The following PDE12 variants were observed in gnomAD, a reference collection of about 807,000 sequenced individuals.
PDE12 encodes phosphodiesterase 12, also known as 2',5'-phosphodiesterase 12.
Under a neutral mutation model 45.4 loss-of-function variants are expected in PDE12, and 26 were observed. The ratio of observed to expected loss-of-function variants is 0.57; its 90% CI spans 0.42 to 0.79. The LOEUF is 0.79. Among genes scored for constraint, PDE12 ranks in the 30% least tolerant of loss-of-function variants. PDE12 has a pLI of 0.00. For synonymous variants in PDE12, 283 were observed against 323.9 expected (o/e 0.87, Z 1.36); for missense variants, 668 against 790.0 (o/e 0.85, Z 1.85).
At chr3:57,619,774 C>T in the PDE12 span, among the ~76,000 whole-genome samples, 4 of 151,698 alleles carry the variant, frequency 2.6e-5, no homozygotes, top group Non-Finnish European at 5.9e-5. Flanking sequence ...TGCTTAAACC[C>T]GGGAGGCAGA....
the PDE12 span, among the ~76,000 whole-genome samples, chr3:57,630,070 G>C: frequency 6.6e-6 from 1 of 152,198 alleles, no homozygotes; most frequent in African/African-American, 2.4e-5. Flanking sequence ...GAGCTGAGAA[G>C]AGATGTGCAC....
the PDE12 span, chr3:57,628,212 TATC>T: frequency 6.2e-7 from 1 of 1,610,912 alleles, no homozygotes; most frequent in Non-Finnish European, 8.5e-7. Context: ...TCTTGGCAAA[TATC>T]ATGTCATGCC....
At chr3:57,597,260 G>A in the PDE12 span, 2 of 984,994 alleles carry the variant, frequency 2.0e-6, no homozygotes, top group East Asian at 2.6e-5. Context: ...GAGGAAGAAA[G>A]AGGGAGGCAG....
chr3:57,568,740 A>T (rs989600988), downstream of PDE12, among the ~76,000 whole-genome samples: 1 of 151,904 alleles, frequency 6.6e-6, no homozygotes, highest in Non-Finnish European at 1.5e-5. Flanking sequence ...TGGAGGGTAT[A>T]TAAGGTAAGT....
At chr3:57,646,351 T>C in the PDE12 span, 9 of 1,613,654 alleles carry the variant, frequency 5.6e-6, no homozygotes, top group Non-Finnish European at 7.6e-6. Flanking sequence ...ATGATTCCGA[T>C]GGTGATGGCG....
chr3:57,583,332 G>A, the PDE12 span, among the ~76,000 whole-genome samples: 1 of 152,114 alleles, frequency 6.6e-6, no homozygotes, highest in African/African-American at 2.4e-5. Context: ...GATGATCCAG[G>A]TCTTGGGATT....
In PDE12 at chr3:57,563,158, A is replaced by T. The variant is rs186463288; in HGVS notation, c.*3154A>T. Reference sequence around the variant, plus strand: ...TAGTTTATCACAAGACCCATGTGACAACTCAGAAAATATTCTCAGCATAAT... The same window carrying T: ...TAGTTTATCACAAGACCCATGTGACTACTCAGAAAATATTCTCAGCATAAT... On this transcript the variant is annotated 3_prime_UTR_variant, in exon 3 of 3. Transcript: ENST00000311180. 6.6e-6 allele frequency: 1 copy of T among 152,278 alleles called. No individual in the cohort carries two copies. Among genetic ancestry groups the T allele is most frequent in the African/African-American group, 2.4e-5 (1 of 41,568 alleles). The allele number at this position is 152,278 out of a possible 1,614,324, so 9.4% of individuals were successfully genotyped here. A position where few individuals can be genotyped will look rare whatever the true frequency, so the allele number is the denominator to read the frequency against.
Position 57,557,981 on chromosome 3 carries a change from C to G in PDE12, c.1308+294C>G, listed in dbSNP as rs562339469. Among the ~76,000 whole-genome samples, 9 of 152,290 alleles carry G rather than the reference C, an allele frequency of 5.9e-5. No individual in the cohort carries two copies. In the East Asian group the frequency reaches 1.7e-3, roughly 29 times the overall value. On this transcript the variant is annotated intron_variant, in intron 1 of 2. Coordinates refer to ENST00000311180, the MANE Select transcript of PDE12 (RefSeq NM_177966.7). ...ACGCTAAATGCAAGAACAATAGTAG[C>G]TAATGTTTTTTACTACTTGCCAAGC...
At chr3:57,609,620 A>G in the PDE12 span, among the ~76,000 whole-genome samples, 1 of 152,184 alleles carries the variant, frequency 6.6e-6, no homozygotes, top group East Asian at 1.9e-4. Flanking sequence ...ATGAAAATAA[A>G]CTAGAAAATC....
the PDE12 span, chr3:57,630,547 G>A: frequency 9.5e-6 from 15 of 1,575,152 alleles, no homozygotes; most frequent in African/African-American, 1.9e-4. Context: ...TTTTAAAAAA[G>A]TAAAGTTTGA....
the PDE12 span, among the ~76,000 whole-genome samples, chr3:57,582,625 C>T: frequency 6.6e-6 from 1 of 152,106 alleles, no homozygotes; most frequent in African/African-American, 2.4e-5. Context: ...AGCCACTCAC[C>T]TAGGGTATTC....
the PDE12 span, among the ~76,000 whole-genome samples, chr3:57,583,411 T>C: frequency 6.6e-6 from 1 of 152,176 alleles, no homozygotes; most frequent in South Asian, 2.1e-4. Context: ...ACAGGATCAC[T>C]AAAGTCTCTT....
At position 57,561,821 on chromosome 3, in the gene PDE12, T is replaced by G. The variant is rs1011031828; in HGVS notation, c.*1817T>G. On this transcript the variant is annotated 3_prime_UTR_variant, in exon 3 of 3. Coordinates refer to ENST00000311180, the MANE Select transcript of PDE12 (RefSeq NM_177966.7). ...AATGTATTGTTAACACTTAGTAAGT[T>G]TGAAAATGAAGGGGTTTTATCTGCA... 3 of 985,022 alleles carry G rather than the reference T, an allele frequency of 3.0e-6. No individual in the cohort carries two copies. Among genetic ancestry groups the G allele is most frequent in the Non-Finnish European group, 3.6e-6 (3 of 829,714 alleles). 61.0% of individuals were successfully genotyped at this position (985,022 alleles called of 1,614,324 possible).
Position 57,561,627 on chromosome 3 carries a change from C to T in PDE12, c.*1623C>T. ...TCAGGATAACTATGTTATCTCATTT[C>T]TGCATTTAATTAATAGCTCGAGTAT... On this transcript the variant is annotated 3_prime_UTR_variant, in exon 3 of 3. Coordinates refer to ENST00000311180, the MANE Select transcript of PDE12 (RefSeq NM_177966.7). 1.0e-6 allele frequency: 1 copy of T among 985,174 alleles called. No individual in the cohort carries two copies. Among genetic ancestry groups the T allele is most frequent in the Non-Finnish European group, 1.2e-6 (1 of 829,788 alleles). 61.0% of individuals were successfully genotyped at this position (985,174 alleles called of 1,614,324 possible).
the PDE12 span, among the ~76,000 whole-genome samples, chr3:57,643,864 T>C: frequency 3.4e-4 from 51 of 148,034 alleles, no homozygotes; most frequent in African/African-American, 1.3e-3. Flanking sequence ...TAATTATCAG[T>C]CTGGGCCAGG....
the PDE12 span, chr3:57,628,384 A>C: frequency 4.4e-6 from 7 of 1,603,650 alleles, no homozygotes; most frequent in Non-Finnish European, 6.0e-6. Context: ...AATTATCCTC[A>C]GAATCTGTAT....
chr3:57,601,964 A>G, the PDE12 span, among the ~76,000 whole-genome samples: 1 of 150,490 alleles, frequency 6.6e-6, no homozygotes, highest in Non-Finnish European at 1.5e-5. Context: ...TGTGTTGACC[A>G]GGCTGGTCTT....
chr3:57,638,359 TAAA>T, the PDE12 span, among the ~76,000 whole-genome samples: 1 of 151,398 alleles, frequency 6.6e-6, no homozygotes, highest in African/African-American at 2.4e-5. Flanking sequence ...AGAAAATATA[TAAA>T]TGGCCAATAA....
the PDE12 span, among the ~76,000 whole-genome samples, chr3:57,648,700 A>C: frequency 6.6e-6 from 1 of 152,220 alleles, no homozygotes; most frequent in Non-Finnish European, 1.5e-5. Context: ...CAGAGAACCC[A>C]GAGATAAAGC....
Sources: gnomAD v4.1 joint callset for allele counts (sites outside exome capture counted in the v4.1 genomes callset) on GRCh38, gnomAD v4.1.1 for gene constraint, MANE v1.5 for transcripts, NCBI Gene and HGNC (gene_info 2026-07-23, HGNC 2026-07-21) for gene names.